Variants in SHB observed in about 807,000 individuals in gnomAD.
SHB encodes SH2 domain containing adaptor protein B.
A neutral mutation model predicts 52.3 loss-of-function variants in SHB; 20 were observed. That is an observed-to-expected ratio of 0.38 (90% CI 0.27 to 0.56). The LOEUF (loss-of-function observed/expected upper bound fraction) is 0.56, where lower values mean the gene tolerates loss of function less well. Ranked by LOEUF, SHB falls within the 20% of genes least tolerant of loss-of-function variation. The pLI is 0.71. For missense variants in SHB, 825 were observed against 723.3 expected (o/e 1.14, Z -1.61); for synonymous variants, 397 against 316.5 (o/e 1.25, Z -2.70).
chr9:38,039,653 CCACA>C (rs1302470541), intron 1 of SHB, among the ~76,000 whole-genome samples: 2 of 152,256 alleles, frequency 1.3e-5, no homozygotes, highest in African/African-American at 4.8e-5. Flanking sequence ...TTTAACTTGA[CCACA>C]CAAGGGCAGT....
chr9:38,029,207 A>C (rs1821383893), intron 1 of SHB, among the ~76,000 whole-genome samples: 1 of 152,224 alleles, frequency 6.6e-6, no homozygotes, highest in African/African-American at 2.4e-5. Flanking sequence ...CCTGGCATAA[A>C]GGGGTGTGAG....
intron 1 of SHB, among the ~76,000 whole-genome samples, chr9:38,023,709 C>T (rs1821308691): frequency 6.6e-6 from 1 of 152,190 alleles, no homozygotes. Context: ...AGTTGGGGCA[C>T]CTGGCAAAGT....
intron 2 of SHB, among the ~76,000 whole-genome samples, chr9:38,001,307 G>C (rs1321746554): frequency 6.6e-6 from 1 of 152,188 alleles, no homozygotes; most frequent in Non-Finnish European, 1.5e-5. Flanking sequence ...TACTTACAAA[G>C]GGAGACGGAA....
intron 3 of SHB, among the ~76,000 whole-genome samples, chr9:37,970,454 G>A (rs748999808): frequency 3.3e-5 from 5 of 151,970 alleles, no homozygotes; most frequent in African/African-American, 4.8e-5. Flanking sequence ...GGAAGGCGCT[G>A]ACTTCCAGAA....
At chr9:37,928,210 C>G (rs1464364704) in intron 5 of SHB, among the ~76,000 whole-genome samples, 3 of 152,194 alleles carry the variant, frequency 2.0e-5, no homozygotes, top group Non-Finnish European at 4.4e-5. Context: ...GTGGGAGCAC[C>G]ACAGCAGGAG....
At chr9:37,979,383 A>T (rs998683549) in intron 2 of SHB, among the ~76,000 whole-genome samples, 1 of 152,182 alleles carries the variant, frequency 6.6e-6, no homozygotes, top group African/African-American at 2.4e-5. Flanking sequence ...AGAATGTTAG[A>T]ACTGAAAGGG....
chr9:38,032,463 A>C (rs543066456), intron 1 of SHB, among the ~76,000 whole-genome samples: 1 of 152,220 alleles, frequency 6.6e-6, no homozygotes, highest in African/African-American at 2.4e-5. Context: ...TGACAGGAAG[A>C]AGCAGCAGCT....
intron 2 of SHB, among the ~76,000 whole-genome samples, chr9:38,007,889 G>A (rs1276947715): frequency 6.6e-6 from 1 of 152,208 alleles, no homozygotes; most frequent in Non-Finnish European, 1.5e-5. Flanking sequence ...TCCCTGAGGA[G>A]GTCATTTTGA....
At chr9:37,976,859 AAC>A (rs1235084779) in intron 2 of SHB, among the ~76,000 whole-genome samples, 1 of 152,200 alleles carries the variant, frequency 6.6e-6, no homozygotes, top group Non-Finnish European at 1.5e-5. Context: ...CAGCTGATAA[AAC>A]ACACACAAAT....
chr9:37,927,580 G>A (rs1046172828), intron 5 of SHB, among the ~76,000 whole-genome samples: 4 of 152,276 alleles, frequency 2.6e-5, no homozygotes, highest in African/African-American at 9.6e-5. Flanking sequence ...AGAGGCATAA[G>A]GCTCGTTTTA....
chr9:38,013,810 G>C (rs1821174429), intron 2 of SHB, among the ~76,000 whole-genome samples: 1 of 152,068 alleles, frequency 6.6e-6, no homozygotes, highest in Non-Finnish European at 1.5e-5. Context: ...ACAACATCCT[G>C]CCTGTGGCTC....
intron 2 of SHB, among the ~76,000 whole-genome samples, chr9:38,004,387 C>T (rs568172693): frequency 2.6e-5 from 4 of 152,168 alleles, no homozygotes; most frequent in Admixed American, 1.3e-4. Flanking sequence ...GCGTGGGACT[C>T]GGAAGGGAAG....
intron 1 of SHB, among the ~76,000 whole-genome samples, chr9:38,018,109 G>C (rs532779758): frequency 6.6e-6 from 1 of 152,162 alleles, no homozygotes; most frequent in African/African-American, 2.4e-5. Flanking sequence ...ATAAGGAAGG[G>C]AAAAAATGTC....
chr9:37,964,546 A>C (rs1031637672), intron 3 of SHB, among the ~76,000 whole-genome samples: 1 of 152,180 alleles, frequency 6.6e-6, no homozygotes, highest in African/African-American at 2.4e-5. Flanking sequence ...CTGCCAAAGC[A>C]AGCCATATTT....
chr9:37,984,877 G>A (rs1410372528), intron 2 of SHB, among the ~76,000 whole-genome samples: 3 of 152,192 alleles, frequency 2.0e-5, no homozygotes, highest in African/African-American at 4.8e-5. Context: ...CTCAGAGGCT[G>A]AGGGTGAGTG....
intron 2 of SHB, among the ~76,000 whole-genome samples, chr9:38,008,268 T>G (rs1260521974): frequency 6.6e-6 from 1 of 152,148 alleles, no homozygotes; most frequent in African/African-American, 2.4e-5. Flanking sequence ...AAGTGGCTCC[T>G]AGAGTGGGCC....
chr9:37,966,522 C>T (rs771601909), intron 3 of SHB, among the ~76,000 whole-genome samples: 2 of 152,174 alleles, frequency 1.3e-5, no homozygotes, highest in Non-Finnish European at 2.9e-5. Flanking sequence ...CTCACTGAAA[C>T]CCCCCTTTCC....
At chr9:38,021,892 C>T (rs4878740) in intron 1 of SHB, among the ~76,000 whole-genome samples, 46,305 of 152,096 alleles carry the variant, frequency 0.3, 7,276 homozygotes, top group Middle Eastern at 0.41. Context: ...ATCCGCCACC[C>T]TGCTAAGGCA....
At chr9:37,974,206 A>G (rs2117965449) in intron 3 of SHB, among the ~76,000 whole-genome samples, 1 of 152,320 alleles carries the variant, frequency 6.6e-6, no homozygotes, top group South Asian at 2.1e-4. Context: ...CGGTGAGCCG[A>G]GATCGCATCA....
Sources: allele counts gnomAD v4.1 joint callset (sites outside exome capture counted in the v4.1 genomes callset), GRCh38; gene constraint gnomAD v4.1.1; transcripts MANE v1.5; gene names NCBI Gene and HGNC (gene_info 2026-07-23, HGNC 2026-07-21).